The following RORA variants were observed in gnomAD, a reference collection of about 807,000 sequenced individuals.
The protein encoded by RORA is RAR related orphan receptor A, also known as nuclear receptor ROR-alpha.
In RORA, 7 loss-of-function variants were observed where a neutral mutation model predicts 69.5. That is an observed-to-expected ratio of 0.10 (90% CI 0.06 to 0.19). The LOEUF (loss-of-function observed/expected upper bound fraction) is 0.19. Among genes scored for constraint, RORA ranks in the 10% least tolerant of loss-of-function variants. RORA has a pLI of 1.00. For missense variants in RORA, 457 were observed against 663.0 expected (o/e 0.69, Z 3.41); for synonymous variants, 261 against 240.8 (o/e 1.08, Z -0.78).
At chr15:60,864,013 G>A (rs931249168) in intron 1 of RORA, among the ~76,000 whole-genome samples, 1 of 152,024 alleles carries the variant, frequency 6.6e-6, no homozygotes, top group Admixed American at 6.6e-5. Flanking sequence ...CACCATATTG[G>A]CCAGGCTGGT....
chr15:60,765,158 C>T (rs2279293), intron 1 of RORA: 1 of 151,768 alleles, frequency 6.6e-6, no homozygotes, highest in Non-Finnish European at 1.5e-5. Context: ...TCTAATTCCC[C>T]CTTCTCTCTT....
intron 2 of RORA, among the ~76,000 whole-genome samples, chr15:60,548,339 T>C (rs942892715): frequency 6.6e-6 from 1 of 152,078 alleles, no homozygotes; most frequent in African/African-American, 2.4e-5. Flanking sequence ...GAAAACACTG[T>C]CTCCATGAAC....
intron 1 of RORA, among the ~76,000 whole-genome samples, chr15:61,162,457 G>C (rs193289452): frequency 1.3e-5 from 2 of 152,314 alleles, no homozygotes; most frequent in Admixed American, 1.3e-4. Context: ...TCATGGAGGA[G>C]ATGCTGCCAG....
rs576300215 is a variant in RORA at position 61,027,174 on chromosome 15, C to T, written c.166+201879G>A. On this transcript the variant is annotated intron_variant, in intron 1 of 10. Transcript: ENST00000335670. The stretch of plus-strand genomic sequence containing the variant: ...CATTACTATCATATTCATTTGCATG[C>T]GCCAATAGTATTAGTTGAATTGATA... 3.7e-4 allele frequency among the ~76,000 whole-genome samples: 56 copies of T among 152,300 alleles called. No homozygotes were observed. In the South Asian group the frequency reaches 0.01, roughly 28 times the overall value.
rs144290459 is a variant in RORA, at chr15:60,745,662, C to T, written c.167-66976G>A. Reference sequence around the variant, plus strand: ...GCCTCAACACATCTGTCTTGTTGGCCTGTGTCTAAACCTCTTGAGCGATTC... The same window carrying T: ...GCCTCAACACATCTGTCTTGTTGGCTTGTGTCTAAACCTCTTGAGCGATTC... On this transcript the variant is annotated intron_variant, in intron 1 of 10. Coordinates refer to ENST00000335670, the MANE Select transcript of RORA (RefSeq NM_134261.3). Among the ~76,000 whole-genome samples, 88 of 152,338 alleles carry T rather than the reference C, an allele frequency of 5.8e-4. 1 individual carries two copies. The highest frequency in any genetic ancestry group is 2.0e-3 in the African/African-American group (84 of 41,586).
chr15:61,189,159 C>CT (rs1424531515), intron 1 of RORA, among the ~76,000 whole-genome samples: 1 of 152,194 alleles, frequency 6.6e-6, no homozygotes, highest in African/African-American at 2.4e-5. Context: ...TCTTCTTCAT[C>CT]TTTGACCCCT....
chr15:61,056,181 A>G (rs960376948), intron 1 of RORA, among the ~76,000 whole-genome samples: 1 of 152,178 alleles, frequency 6.6e-6, no homozygotes, highest in Non-Finnish European at 1.5e-5. Flanking sequence ...AATAGTGAGC[A>G]CCCGTTTTGG....
intron 1 of RORA, among the ~76,000 whole-genome samples, chr15:60,697,562 T>C: frequency 6.6e-6 from 1 of 151,686 alleles, no homozygotes; most frequent in East Asian, 1.9e-4. Flanking sequence ...CCTTCAAGTC[T>C]ACTTTTTTTT....
chr15:60,906,542 C>T (rs1055427871), intron 1 of RORA, among the ~76,000 whole-genome samples: 1 of 152,190 alleles, frequency 6.6e-6, no homozygotes, highest in Non-Finnish European at 1.5e-5. Flanking sequence ...GAAATCTCTC[C>T]CTCTCTCAGA....
At position 61,107,819 on chromosome 15, in the gene RORA, A is replaced by C. The variant is rs141185491; in HGVS notation, c.166+121234T>G. 5.3e-4 allele frequency among the ~76,000 whole-genome samples: 81 copies of C among 152,166 alleles called. 1 individual carries two copies. The East Asian group carries it at 0.014, about 26-fold the overall frequency. On this transcript the variant is annotated intron_variant, in intron 1 of 10. Transcript: ENST00000335670. The stretch of plus-strand genomic sequence containing the variant: ...ATTTAACAAGACTTCACTCTGGCTT[A>C]AACCTGGACACCGAATCCCAGAGAG...
chr15:61,174,524 C>A (rs1383500754), intron 1 of RORA, among the ~76,000 whole-genome samples: 4 of 152,178 alleles, frequency 2.6e-5, no homozygotes, highest in African/African-American at 9.7e-5. Context: ...GAAATGTGAT[C>A]CAGGATTAAT....
At chr15:60,706,659 C>A (rs962462424) in intron 1 of RORA, among the ~76,000 whole-genome samples, 3 of 152,164 alleles carry the variant, frequency 2.0e-5, no homozygotes, top group Admixed American at 6.5e-5. Flanking sequence ...AATTCAGCTT[C>A]CCATTGTCAC....
rs1345735253 is a variant in RORA, at chr15:61,212,316, CA to C, written c.166+16736del. On this transcript the variant is annotated intron_variant, in intron 1 of 10. Coordinates refer to ENST00000335670, the MANE Select transcript of RORA (RefSeq NM_134261.3). ...GTTAGGCATGTTGGGAGAGCACCAT[CA>C]AAGCAGAGAAAAGTGAAATGCAACC... Among the ~76,000 whole-genome samples the C allele has an allele frequency of 2.0e-5, 3 of 152,012 alleles. No homozygotes were observed. The East Asian group carries it at 5.8e-4, about 29-fold the overall frequency.
At chr15:60,753,164 C>G (rs145191189) in intron 1 of RORA, among the ~76,000 whole-genome samples, 1 of 152,274 alleles carries the variant, frequency 6.6e-6, no homozygotes, top group South Asian at 2.1e-4. Flanking sequence ...GGGAGCAGCA[C>G]GTGGATGGCG....
intron 1 of RORA, among the ~76,000 whole-genome samples, chr15:60,784,293 T>C (rs341462): frequency 9.8e-4 from 150 of 152,346 alleles, no homozygotes; most frequent in African/African-American, 3.5e-3. Context: ...GGACCCTGTA[T>C]TGGCCTCCCC....
At chr15:60,671,094 A>ATATATATATATATATATATATATATATC (rs1426634321) in intron 2 of RORA, among the ~76,000 whole-genome samples, 1 of 118,118 alleles carries the variant, frequency 8.5e-6, no homozygotes, top group African/African-American at 3.2e-5. Context: ...ATATATATAT[A>ATATATATATATATATATATATATATATC]TATCTGTTTC....
At chr15:61,020,966 CT>C (rs1895492661) in intron 1 of RORA, among the ~76,000 whole-genome samples, 1 of 152,190 alleles carries the variant, frequency 6.6e-6, no homozygotes. Context: ...TAAGCATTTA[CT>C]TTTTTCCACA....
At chr15:60,999,876 C>A (rs1460468783) in intron 1 of RORA, among the ~76,000 whole-genome samples, 1 of 152,172 alleles carries the variant, frequency 6.6e-6, no homozygotes, top group Non-Finnish European at 1.5e-5. Flanking sequence ...ATTCTGGAGG[C>A]AAATTCTAAA....
intron 1 of RORA, among the ~76,000 whole-genome samples, chr15:60,918,324 C>G (rs910537755): frequency 6.6e-6 from 1 of 152,242 alleles, no homozygotes; most frequent in Non-Finnish European, 1.5e-5. Flanking sequence ...CAACAATCTT[C>G]TTCCCTCTTC....
Sources: allele counts gnomAD v4.1 joint callset (sites outside exome capture counted in the v4.1 genomes callset), GRCh38; gene constraint gnomAD v4.1.1; transcripts MANE v1.5; gene names NCBI Gene and HGNC (gene_info 2026-07-23, HGNC 2026-07-21).